Variants in LINGO2 observed in about 807,000 individuals in gnomAD.
LINGO2 encodes leucine rich repeat and Ig domain containing 2.
A neutral mutation model predicts 30.6 loss-of-function variants in LINGO2; 14 were observed. The ratio of observed to expected loss-of-function variants is 0.46; its 90% CI spans 0.30 to 0.72. The LOEUF is 0.72. LINGO2 is among the 30% of genes least tolerant of loss of function. The pLI is 0.07. For synonymous variants in LINGO2, 317 were observed against 288.5 expected, an observed-to-expected ratio of 1.10 and a Z score of -1.00; for missense variants, 729 against 751.7, an observed-to-expected ratio of 0.97 and a Z score of 0.35.
the LINGO2 span, among the ~76,000 whole-genome samples, chr9:29,170,891 G>A: frequency 6.6e-6 from 1 of 152,126 alleles, no homozygotes; most frequent in Non-Finnish European, 1.5e-5. Flanking sequence ...TGATTAACAT[G>A]ATGTGCTGGT....
At chr9:28,994,571 A>T in the LINGO2 span, among the ~76,000 whole-genome samples, 2 of 151,330 alleles carry the variant, frequency 1.3e-5, no homozygotes, top group African/African-American at 4.9e-5. Context: ...GTCAATCCTA[A>T]GCCAAAAGAA....
the LINGO2 span, among the ~76,000 whole-genome samples, chr9:28,880,846 T>C: frequency 6.6e-6 from 1 of 152,182 alleles, no homozygotes; most frequent in Non-Finnish European, 1.5e-5. Flanking sequence ...CTTGTTATTC[T>C]TTACTCCGCT....
chr9:28,411,885 AGT>A (rs1456559616), intron 2 of LINGO2, among the ~76,000 whole-genome samples: 1 of 152,084 alleles, frequency 6.6e-6, no homozygotes, highest in Non-Finnish European at 1.5e-5. Context: ...TCCCATTAAC[AGT>A]GTACAAAGTT....
the LINGO2 span, among the ~76,000 whole-genome samples, chr9:28,922,204 A>G: frequency 6.6e-6 from 1 of 152,198 alleles, no homozygotes; most frequent in African/African-American, 2.4e-5. Flanking sequence ...CCAGTCCCAC[A>G]ATGAACATTG....
At chr9:28,918,243 C>A in the LINGO2 span, among the ~76,000 whole-genome samples, 747 of 152,200 alleles carry the variant, frequency 4.9e-3, 2 homozygotes, top group Non-Finnish European at 7.9e-3. Flanking sequence ...AAAGCGGAAA[C>A]CCCTGCATCA....
At chr9:28,295,217 T>C (rs1164691378) in exon 4 of LINGO2, 2 of 152,604 alleles carry the variant, frequency 1.3e-5, no homozygotes, top group Non-Finnish European at 2.9e-5. Flanking sequence ...CCTGGTTTAC[T>C]CTTTTGAAAA....
In LINGO2 at chr9:28,189,707, GGAAGGAAGGA is replaced by G. The variant is rs1459971869; in HGVS notation, c.-87+105491_-87+105500del. ...AGGGAGGAAGGAAGGGAGGGAGGAA[GGAAGGAAGGA>G]AGGAAGGTTGGTTCAAAAGATGATG... On this transcript the variant is annotated intron_variant, in intron 4 of 5. Transcript: ENST00000379992. 4.7e-4 allele frequency among the ~76,000 whole-genome samples: 67 copies of G among 143,802 alleles called. 1 individual carries two copies. The highest frequency in any genetic ancestry group is 1.7e-3 in the African/African-American group (65 of 38,930). The allele number at this position is 143,802 out of a possible 152,430, so 94.3% of individuals were successfully genotyped here. A position where few individuals can be genotyped will look rare whatever the true frequency, so the allele number is the denominator to read the frequency against.
At chr9:29,019,116 A>G in the LINGO2 span, among the ~76,000 whole-genome samples, 1 of 152,180 alleles carries the variant, frequency 6.6e-6, no homozygotes, top group Admixed American at 6.6e-5. Flanking sequence ...TTTTAAAAAT[A>G]TAAAATAATC....
At chr9:28,890,475 A>G in the LINGO2 span, among the ~76,000 whole-genome samples, 2 of 152,058 alleles carry the variant, frequency 1.3e-5, no homozygotes, top group African/African-American at 4.8e-5. Flanking sequence ...TGCCACAATG[A>G]ATACAGCCTC....
intron 3 of LINGO2, among the ~76,000 whole-genome samples, chr9:28,302,301 A>G (rs1390801783): frequency 6.6e-6 from 1 of 152,160 alleles, no homozygotes; most frequent in African/African-American, 2.4e-5. Context: ...TCTCTATATA[A>G]CCACCCTCAA....
At chr9:28,423,646 T>C (rs939189924) in intron 2 of LINGO2, among the ~76,000 whole-genome samples, 2 of 152,206 alleles carry the variant, frequency 1.3e-5, no homozygotes, top group Non-Finnish European at 1.5e-5. Context: ...TTATAGTAGC[T>C]CTACATATGT....
chr9:28,801,960 T>C, the LINGO2 span, among the ~76,000 whole-genome samples: 1 of 152,020 alleles, frequency 6.6e-6, no homozygotes, highest in Non-Finnish European at 1.5e-5. Context: ...AGAAACACTG[T>C]CAAATTAAAT....
intron 4 of LINGO2, among the ~76,000 whole-genome samples, chr9:28,123,771 T>C (rs1374652403): frequency 2.0e-5 from 3 of 152,000 alleles, no homozygotes; most frequent in Admixed American, 2.0e-4. Flanking sequence ...TCACACTATT[T>C]TCCTGCCTCA....
At chr9:28,287,002 G>T (rs1418456207) in intron 4 of LINGO2, among the ~76,000 whole-genome samples, 1 of 152,146 alleles carries the variant, frequency 6.6e-6, no homozygotes, top group East Asian at 1.9e-4. Context: ...CACAGGTTTA[G>T]ATATTCATTC....
At chr9:29,012,281 C>T in the LINGO2 span, among the ~76,000 whole-genome samples, 1 of 151,886 alleles carries the variant, frequency 6.6e-6, no homozygotes, top group Non-Finnish European at 1.5e-5. Context: ...TAGCTTGAAC[C>T]CACAAGGCGG....
At chr9:28,912,808 A>T in the LINGO2 span, among the ~76,000 whole-genome samples, 3 of 152,148 alleles carry the variant, frequency 2.0e-5, no homozygotes, top group Non-Finnish European at 2.9e-5. Flanking sequence ...AAATCATCTC[A>T]ACTATTTTGT....
the LINGO2 span, among the ~76,000 whole-genome samples, chr9:29,055,936 G>GTATATATATATATATACACATATA: frequency 2.5e-4 from 30 of 121,942 alleles, no homozygotes; most frequent in African/African-American, 8.8e-4. Flanking sequence ...GTGTATGTGT[G>GTATATATATATATATACACATATA]TGTGTATATA....
the LINGO2 span, among the ~76,000 whole-genome samples, chr9:28,780,420 A>C: frequency 1.3e-5 from 2 of 152,134 alleles, no homozygotes; most frequent in Non-Finnish European, 2.9e-5. Flanking sequence ...TTTTGAGTCT[A>C]TGTTAGAAAT....
chr9:28,359,725 A>G (rs1820367465), intron 3 of LINGO2, among the ~76,000 whole-genome samples: 1 of 152,210 alleles, frequency 6.6e-6, no homozygotes, highest in Non-Finnish European at 1.5e-5. Flanking sequence ...CCCAATGTGT[A>G]TAGTGAAGTT....
Sources: allele counts gnomAD v4.1 joint callset (sites outside exome capture counted in the v4.1 genomes callset), GRCh38; gene constraint gnomAD v4.1.1; transcripts MANE v1.5; gene names NCBI Gene and HGNC (gene_info 2026-07-23, HGNC 2026-07-21).